The following POU2AF2 variants were observed in gnomAD, a reference collection of about 807,000 sequenced individuals.
POU2AF2 encodes POU domain class 2-associating factor 2.
the POU2AF2 span, among the ~76,000 whole-genome samples, chr11:111,277,306 T>G: frequency 1.3e-5 from 2 of 152,176 alleles, no homozygotes; most frequent in Non-Finnish European, 2.9e-5. Context: ...CCACTAGACC[T>G]TTAATTGTGA....
chr11:111,262,029 C>A, the POU2AF2 span, among the ~76,000 whole-genome samples: 6 of 152,156 alleles, frequency 3.9e-5, no homozygotes, highest in African/African-American at 1.2e-4. Context: ...GTTTGCTTTT[C>A]AAATCAGTAT....
the POU2AF2 span, chr11:111,285,626 C>A: frequency 1.9e-6 from 3 of 1,592,224 alleles, no homozygotes; most frequent in Non-Finnish European, 2.6e-6. Flanking sequence ...TAGTGAATAA[C>A]CTCCGTGGCC....
chr11:111,267,745 T>C, the POU2AF2 span, among the ~76,000 whole-genome samples: 1 of 152,148 alleles, frequency 6.6e-6, no homozygotes, highest in African/African-American at 2.4e-5. Context: ...GCCCCCGTGG[T>C]GTCTGGAATT....
chr11:111,253,887 C>A, the POU2AF2 span, among the ~76,000 whole-genome samples: 1 of 152,168 alleles, frequency 6.6e-6, no homozygotes, highest in Admixed American at 6.5e-5. Context: ...CATCACCACA[C>A]ACACCCTACC....
chr11:111,266,860 T>C, the POU2AF2 span, among the ~76,000 whole-genome samples: 1 of 152,182 alleles, frequency 6.6e-6, no homozygotes, highest in Non-Finnish European at 1.5e-5. Context: ...GGACTCCAGG[T>C]CTTCACTTCA....
At chr11:111,275,135 A>G in the POU2AF2 span, among the ~76,000 whole-genome samples, 4 of 152,218 alleles carry the variant, frequency 2.6e-5, no homozygotes, top group African/African-American at 4.8e-5. Context: ...GAAAAATAAA[A>G]GCTTTGTGCT....
the POU2AF2 span, among the ~76,000 whole-genome samples, chr11:111,257,901 T>A: frequency 1.3e-5 from 2 of 152,104 alleles, no homozygotes; most frequent in Non-Finnish European, 2.9e-5. Flanking sequence ...GCAGATCACT[T>A]GAGGCCAGGA....
the POU2AF2 span, chr11:111,284,328 C>T: frequency 4.8e-5 from 77 of 1,611,594 alleles, no homozygotes; most frequent in Middle Eastern, 3.6e-4. Context: ...TCGCCCCTAC[C>T]GCCGCTCCTG....
the POU2AF2 span, among the ~76,000 whole-genome samples, chr11:111,273,583 T>C: frequency 2.6e-5 from 4 of 152,256 alleles, no homozygotes; most frequent in African/African-American, 9.6e-5. Context: ...AAATTTTATC[T>C]CAATTTGAAT....
chr11:111,266,859 G>C, the POU2AF2 span, among the ~76,000 whole-genome samples: 1 of 152,158 alleles, frequency 6.6e-6, no homozygotes, highest in Non-Finnish European at 1.5e-5. Flanking sequence ...GGGACTCCAG[G>C]TCTTCACTTC....
the POU2AF2 span, chr11:111,256,031 A>G: frequency 5.0e-6 from 2 of 399,140 alleles, no homozygotes; most frequent in Admixed American, 4.4e-5. Flanking sequence ...AGAGTGAAGC[A>G]TACAGTCAAA....
At chr11:111,259,181 A>T in the POU2AF2 span, among the ~76,000 whole-genome samples, 98 of 152,318 alleles carry the variant, frequency 6.4e-4, no homozygotes, top group Non-Finnish European at 9.6e-4. Context: ...TGATAGACAC[A>T]CTAACCCCGA....
At chr11:111,282,567 A>G in the POU2AF2 span, among the ~76,000 whole-genome samples, 10 of 152,256 alleles carry the variant, frequency 6.6e-5, no homozygotes, top group Non-Finnish European at 1.5e-4. Flanking sequence ...AAGAAAATGT[A>G]TAAGGCATGA....
At chr11:111,264,267 G>T in the POU2AF2 span, among the ~76,000 whole-genome samples, 127 of 151,954 alleles carry the variant, frequency 8.4e-4, no homozygotes, top group Non-Finnish European at 1.5e-3. Context: ...AGGCCGAGGT[G>T]GGCAGATCTC....
the POU2AF2 span, among the ~76,000 whole-genome samples, chr11:111,263,427 CTTTTTTTTT>C: frequency 2.1e-5 from 2 of 96,146 alleles, no homozygotes; most frequent in African/African-American, 3.9e-5. Flanking sequence ...TACTGAAGTT[CTTTTTTTTT>C]TTTTTTTTTT....
At chr11:111,286,067 A>G in the POU2AF2 span, 1 of 1,602,252 alleles carries the variant, frequency 6.2e-7, no homozygotes, top group Non-Finnish European at 8.5e-7. Context: ...GGAGGGCCAA[A>G]TGACTTCTGG....
chr11:111,245,740 A>G, the POU2AF2 span: 2 of 398,250 alleles, frequency 5.0e-6, no homozygotes, highest in Non-Finnish European at 8.9e-6. Context: ...AGGCTTTCCC[A>G]CCAGGGTCAG....
At chr11:111,259,297 A>C in the POU2AF2 span, among the ~76,000 whole-genome samples, 2 of 150,858 alleles carry the variant, frequency 1.3e-5, no homozygotes, top group East Asian at 1.9e-4. Flanking sequence ...GATGACTCCT[A>C]ATTCCACATT....
chr11:111,265,875 T>TAA, the POU2AF2 span, among the ~76,000 whole-genome samples: 616 of 147,430 alleles, frequency 4.2e-3, 8 homozygotes, highest in African/African-American at 0.012. Flanking sequence ...AGGAATAAAT[T>TAA]AAAAAAAAAA....
Sources: allele counts gnomAD v4.1 joint callset (sites outside exome capture counted in the v4.1 genomes callset), GRCh38; gene constraint gnomAD v4.1.1; transcripts MANE v1.5; gene names NCBI Gene and HGNC (gene_info 2026-07-23, HGNC 2026-07-21).